The following CCDC138 variants were observed in gnomAD, a reference collection of about 807,000 sequenced individuals.
The protein encoded by CCDC138 is coiled-coil domain containing 138, also known as coiled-coil domain-containing protein 138.
A neutral mutation model predicts 82.3 loss-of-function variants in CCDC138; 66 were observed. The ratio of observed to expected loss-of-function variants is 0.80; its 90% confidence interval spans 0.66 to 0.98. CCDC138 has a LOEUF of 0.98. Ranked by LOEUF, CCDC138 falls within the 50% of genes least tolerant of loss-of-function variation. The pLI, the probability that CCDC138 is intolerant of heterozygous loss-of-function variation, is 0.00. For synonymous variants in CCDC138, 297 were observed against 265.4 expected (o/e 1.12, Z -1.16); for missense variants, 816 against 758.9 (o/e 1.08, Z -0.88).
chr2:108,827,814 TAA>T lies in CCDC138; in HGVS notation c.1207-11354_1207-11353del, dbSNP rs11346556. 8.9e-3 allele frequency among the ~76,000 whole-genome samples: 1,187 copies of T among 134,082 alleles called. 12 individuals are homozygous for T. The highest frequency in any genetic ancestry group is 0.023 in the African/African-American group (833 of 35,802). The allele number at this position is 134,082 out of a possible 152,430, so 88.0% of individuals were successfully genotyped here. On this transcript the variant is annotated intron_variant, in intron 10 of 14. Coordinates refer to ENST00000295124, the MANE Select transcript of CCDC138 (RefSeq NM_144978.3). Reference sequence around the variant, plus strand: ...CTGGGCGACAGAGAGAGAATATGTCTAAAAAAAAAAAAAAAAAATTAAAAAAA... The same window carrying T: ...CTGGGCGACAGAGAGAGAATATGTCTAAAAAAAAAAAAAAAATTAAAAAAA...
chr2:108,877,356 C>T (rs1447637711), downstream of CCDC138, among the ~76,000 whole-genome samples: 1 of 151,918 alleles, frequency 6.6e-6, no homozygotes, highest in Non-Finnish European at 1.5e-5. Flanking sequence ...ATCCTAGCTA[C>T]TCGGGAGGCT....
chr2:108,805,013 G>T lies in CCDC138; in HGVS notation c.855+5G>T, dbSNP rs1682620995. On this transcript the variant is annotated splice_donor_5th_base_variant and intron_variant, in intron 7 of 14. Transcript: ENST00000295124. ...AATGATACCTTAAAAAAACAGGTAAGACCTGTTTTAATATATACTGAACAT... is the reference window on the plus strand; with the variant it reads ...AATGATACCTTAAAAAAACAGGTAATACCTGTTTTAATATATACTGAACAT... 3 of 1,474,596 alleles carry T rather than the reference G, an allele frequency of 2.0e-6. No individual in the cohort carries two copies. Among genetic ancestry groups the T allele is most frequent in the Non-Finnish European group, 9.1e-7 (1 of 1,097,676 alleles). The allele number at this position is 1,474,596 out of a possible 1,614,324, so 91.3% of individuals were successfully genotyped here. A position where few individuals can be genotyped will look rare whatever the true frequency, so the allele number is the denominator to read the frequency against.
chr2:108,840,538 A>G (rs930842001), intron 11 of CCDC138, among the ~76,000 whole-genome samples: 2 of 152,206 alleles, frequency 1.3e-5, no homozygotes, highest in African/African-American at 2.4e-5. Flanking sequence ...TGTAATTCAT[A>G]TCGATGATTT....
At chr2:108,789,079 A>C in intron 3 of CCDC138, 113 bp downstream of exon 3, 1 of 950,158 alleles carries the variant, frequency 1.1e-6, no homozygotes, top group Non-Finnish European at 1.6e-6. Flanking sequence ...TATGAGGACA[A>C]GTATAAGGCA....
intron 13 of CCDC138, among the ~76,000 whole-genome samples, chr2:108,864,016 G>A (rs1694023499): frequency 1.3e-5 from 2 of 152,250 alleles, no homozygotes; most frequent in South Asian, 4.1e-4. Context: ...CTGTTTCTAA[G>A]ATGAAAGGCT....
At chr2:108,805,644 G>A (rs1169476552) in intron 7 of CCDC138, among the ~76,000 whole-genome samples, 7 of 151,908 alleles carry the variant, frequency 4.6e-5, no homozygotes, top group African/African-American at 1.7e-4. Context: ...GGAGAATGTC[G>A]TGAACCCAGG....
At chr2:108,827,633 A>G (rs911810742) in intron 10 of CCDC138, among the ~76,000 whole-genome samples, 16 of 152,026 alleles carry the variant, frequency 1.1e-4, no homozygotes, top group South Asian at 2.1e-4. Context: ...TGGCTAACAC[A>G]GTGAAACCCC....
rs546105322 is a variant in CCDC138, at chr2:108,817,079, G to A, written c.1206+974G>A. On this transcript the variant is annotated intron_variant, in intron 10 of 14. Transcript: ENST00000295124. ...AACATGACTTTTGGAGGAAACAAAC[G>A]TTCAAACCATAGCACATGGCAAAAG... Among the ~76,000 whole-genome samples the A allele has an allele frequency of 3.9e-5, 6 of 152,224 alleles. No homozygotes were observed. In the East Asian group the frequency reaches 9.7e-4, roughly 24 times the overall value.
chr2:108,813,021 G>GCA, intron 9 of CCDC138, 94 bp downstream of exon 9: 4 of 944,912 alleles, frequency 4.2e-6, no homozygotes, highest in South Asian at 1.5e-5. Context: ...AGGCTGAGAT[G>GCA]GGCGGATCAC....
At chr2:108,880,865 C>G (rs949294926), downstream of CCDC138, among the ~76,000 whole-genome samples, 2 of 152,194 alleles carry the variant, frequency 1.3e-5, no homozygotes, top group African/African-American at 4.8e-5. Context: ...AACATAACAT[C>G]CATTCTGCAG....
At chr2:108,847,070 AAG>A in intron 12 of CCDC138, 140 bp downstream of exon 12, 1 of 604,676 alleles carries the variant, frequency 1.7e-6, no homozygotes, top group Non-Finnish European at 2.9e-6. Flanking sequence ...ACATTATAAA[AAG>A]CTACTTTTAT....
chr2:108,874,555 C>T (rs1264157224), intron 14 of CCDC138, among the ~76,000 whole-genome samples: 3 of 152,108 alleles, frequency 2.0e-5, no homozygotes, highest in African/African-American at 7.2e-5. Context: ...TGGCCTCATC[C>T]CCTCATCCAT....
At chr2:108,804,562 A>T (rs563500916) in intron 6 of CCDC138, among the ~76,000 whole-genome samples, 1 of 152,288 alleles carries the variant, frequency 6.6e-6, no homozygotes, top group Admixed American at 6.5e-5. Flanking sequence ...CTGTTTTATT[A>T]TTCCATGATG....
chr2:108,841,060 T>C (rs1689396734), intron 11 of CCDC138, among the ~76,000 whole-genome samples: 1 of 152,172 alleles, frequency 6.6e-6, no homozygotes, highest in Admixed American at 6.6e-5. Flanking sequence ...GGTTTCACCA[T>C]GTTGACCTCA....
chr2:108,847,076 C>A, intron 12 of CCDC138, 146 bp downstream of exon 12: 1 of 594,362 alleles, frequency 1.7e-6, no homozygotes, highest in Non-Finnish European at 2.9e-6. Context: ...TAAAAAGCTA[C>A]TTTTATTTGC....
At chr2:108,837,350 T>C (rs1030647868) in intron 10 of CCDC138, among the ~76,000 whole-genome samples, 1 of 152,232 alleles carries the variant, frequency 6.6e-6, no homozygotes, top group African/African-American at 2.4e-5. Flanking sequence ...TTTTTAAAAA[T>C]GTTGAACCGT....
Position 108,851,612 on chromosome 2 carries a change from G to C in CCDC138, c.1516+4682G>C, listed in dbSNP as rs114931825. On this transcript the variant is annotated intron_variant, in intron 12 of 14. Coordinates refer to ENST00000295124, the MANE Select transcript of CCDC138 (RefSeq NM_144978.3). ...GCCACCGCGCCCGGCCTTTCTCTTG[G>C]GTTTTTATGGAGGCTTCCTGACATC... is the stretch of plus-strand genomic sequence containing the variant. Among the ~76,000 whole-genome samples the C allele has an allele frequency of 8.9e-3, 1,362 of 152,184 alleles. 27 individuals are homozygous for C. The highest frequency in any genetic ancestry group is 0.031 in the African/African-American group (1,302 of 41,520).
Position 108,851,720 on chromosome 2 carries a change from T to C in CCDC138, c.1516+4790T>C, listed in dbSNP as rs181124299. 4.2e-4 allele frequency among the ~76,000 whole-genome samples: 64 copies of C among 152,184 alleles called. No individual in the cohort carries two copies. The East Asian group carries it at 0.012, about 29-fold the overall frequency. ...CACAATCAGAAAGTCCAGGAAAGAT[T>C]AGAGTCCTGGCTTGGGCCAAGTGAA... On this transcript the variant is annotated intron_variant, in intron 12 of 14. Transcript: ENST00000295124.
Position 108,823,837 on chromosome 2 carries a change from C to T in CCDC138, c.1206+7732C>T, listed in dbSNP as rs1345748516. ...ACTAAAAATACAGAAATTAGTTGGG[C>T]GTGGTGGCGGGCATCTGTAATCCCA... is the stretch of plus-strand genomic sequence containing the variant. On this transcript the variant is annotated intron_variant, in intron 10 of 14. Coordinates refer to ENST00000295124, the MANE Select transcript of CCDC138 (RefSeq NM_144978.3). Among the ~76,000 whole-genome samples the T allele has an allele frequency of 2.0e-5, 3 of 152,008 alleles. No individual in the cohort carries two copies. In the East Asian group the frequency reaches 5.8e-4, roughly 29 times the overall value.
Sources: gnomAD v4.1 joint callset for allele counts (sites outside exome capture counted in the v4.1 genomes callset) on GRCh38, gnomAD v4.1.1 for gene constraint, MANE v1.5 for transcripts, NCBI Gene and HGNC (gene_info 2026-07-23, HGNC 2026-07-21) for gene names.